The following GALNT17 variants were observed in gnomAD, a reference collection of about 807,000 sequenced individuals.
GALNT17 encodes UDP-GalNAc:polypeptide N-acetylgalactosaminyltransferase-like 3.
A neutral mutation model predicts 63.7 loss-of-function variants in GALNT17; 29 were observed. The observed-to-expected ratio is 0.46, with a 90% CI of 0.34 to 0.62. The LOEUF is 0.62. Ranked by LOEUF, GALNT17 falls within the 20% of genes least tolerant of loss-of-function variation. The pLI is 0.01. For missense variants in GALNT17, 603 were observed against 799.6 expected (o/e 0.75, Z 2.97); for synonymous variants, 305 against 318.3 (o/e 0.96, Z 0.45).
At chr7:71,172,336 G>C (rs998321184) in intron 1 of GALNT17, among the ~76,000 whole-genome samples, 2 of 151,646 alleles carry the variant, frequency 1.3e-5, no homozygotes, top group South Asian at 2.1e-4. Context: ...GTGCACCTGC[G>C]GACCCAGCTA....
intron 5 of GALNT17, among the ~76,000 whole-genome samples, chr7:71,442,341 C>T (rs1321179528): frequency 1.3e-5 from 2 of 152,026 alleles, no homozygotes; most frequent in Non-Finnish European, 1.5e-5. Flanking sequence ...GGACTACGGG[C>T]GCCCGCCACC....
At chr7:71,517,161 C>T (rs1788458615) in intron 5 of GALNT17, among the ~76,000 whole-genome samples, 1 of 152,194 alleles carries the variant, frequency 6.6e-6, no homozygotes, top group Non-Finnish European at 1.5e-5. Flanking sequence ...AGTTCTGAGG[C>T]TGGGACATTC....
At chr7:71,590,685 C>T (rs1789784097) in intron 6 of GALNT17, among the ~76,000 whole-genome samples, 2 of 152,160 alleles carry the variant, frequency 1.3e-5, no homozygotes, top group African/African-American at 4.8e-5. Flanking sequence ...GTTCCCTGTC[C>T]ATGTAGCCAT....
At chr7:71,370,934 C>T (rs963485) in intron 2 of GALNT17, among the ~76,000 whole-genome samples, 3 of 152,090 alleles carry the variant, frequency 2.0e-5, no homozygotes, top group Admixed American at 6.5e-5. Flanking sequence ...ACAAGCATAT[C>T]GTGGGATTGC....
intron 6 of GALNT17, among the ~76,000 whole-genome samples, chr7:71,647,625 A>T (rs1028456401): frequency 2.0e-5 from 3 of 152,020 alleles, no homozygotes; most frequent in African/African-American, 7.2e-5. Flanking sequence ...TACCTCTACC[A>T]TTGCTTCTGT....
At chr7:71,705,038 T>G (rs1029191450) in intron 9 of GALNT17, among the ~76,000 whole-genome samples, 2 of 152,292 alleles carry the variant, frequency 1.3e-5, no homozygotes, top group African/African-American at 4.8e-5. Flanking sequence ...AGAAAAACTT[T>G]GATGCTTCAA....
chr7:71,386,883 T>C (rs1792955420), intron 2 of GALNT17, among the ~76,000 whole-genome samples: 1 of 152,178 alleles, frequency 6.6e-6, no homozygotes. Flanking sequence ...CCTGGAATGT[T>C]AGCTCTGTGA....
At chr7:71,179,985 T>C (rs959101242) in intron 1 of GALNT17, among the ~76,000 whole-genome samples, 5 of 152,196 alleles carry the variant, frequency 3.3e-5, no homozygotes, top group African/African-American at 1.2e-4. Flanking sequence ...GAGCCAAATA[T>C]GAGATTTTGT....
At chr7:71,524,269 AT>A (rs967889449) in intron 5 of GALNT17, among the ~76,000 whole-genome samples, 8 of 146,180 alleles carry the variant, frequency 5.5e-5, no homozygotes, top group African/African-American at 7.6e-5. Flanking sequence ...ATTATATATA[AT>A]TATATATTAT....
intron 1 of GALNT17, among the ~76,000 whole-genome samples, chr7:71,278,001 CTTTT>C (rs1026730694): frequency 5.4e-4 from 82 of 152,234 alleles, no homozygotes; most frequent in African/African-American, 1.9e-3. Context: ...CTCCTGCTAA[CTTTT>C]TTATTTATGA....
At chr7:71,154,271 C>G (rs571838132) in intron 1 of GALNT17, among the ~76,000 whole-genome samples, 1 of 152,130 alleles carries the variant, frequency 6.6e-6, no homozygotes, top group Non-Finnish European at 1.5e-5. Context: ...CGGCTTCCAG[C>G]TGTTTGTGTC....
intron 1 of GALNT17, among the ~76,000 whole-genome samples, chr7:71,177,383 A>T (rs1424795119): frequency 6.6e-6 from 1 of 152,028 alleles, no homozygotes; most frequent in Non-Finnish European, 1.5e-5. Flanking sequence ...CCATGTCTGG[A>T]CTCTGATTTA....
intron 2 of GALNT17, among the ~76,000 whole-genome samples, chr7:71,346,727 T>G (rs1792102154): frequency 8.7e-6 from 1 of 115,548 alleles, no homozygotes; most frequent in Non-Finnish European, 1.6e-5. Context: ...GGACAGTTTA[T>G]CTAGGGAATC....
chr7:71,674,520 T>C (rs935623821), intron 8 of GALNT17, among the ~76,000 whole-genome samples: 8 of 151,956 alleles, frequency 5.3e-5, no homozygotes, highest in Admixed American at 3.9e-4. Context: ...TCTAGACAAC[T>C]TTTTCTTTTT....
At chr7:71,378,318 T>C (rs1459420533) in intron 2 of GALNT17, among the ~76,000 whole-genome samples, 1 of 152,164 alleles carries the variant, frequency 6.6e-6, no homozygotes, top group African/African-American at 2.4e-5. Context: ...CACCTCTCAG[T>C]GATTCCAACC....
chr7:71,509,388 C>A (rs1788317862), intron 5 of GALNT17, among the ~76,000 whole-genome samples: 1 of 152,164 alleles, frequency 6.6e-6, no homozygotes, highest in Admixed American at 6.5e-5. Flanking sequence ...GGATGTAACC[C>A]CAAGCATAAG....
At chr7:71,640,101 G>T (rs1790583291) in intron 6 of GALNT17, among the ~76,000 whole-genome samples, 2 of 152,316 alleles carry the variant, frequency 1.3e-5, no homozygotes, top group South Asian at 4.1e-4. Context: ...AGATTTGCAT[G>T]AGTGTGATTT....
intron 6 of GALNT17, among the ~76,000 whole-genome samples, chr7:71,582,483 AG>A (rs1789650913): frequency 1.3e-5 from 2 of 151,834 alleles, no homozygotes; most frequent in East Asian, 3.9e-4. Flanking sequence ...CGGGAGGCTG[AG>A]GAAGGGGAAT....
chr7:71,154,369 G>A (rs573777339), intron 1 of GALNT17, among the ~76,000 whole-genome samples: 2 of 152,226 alleles, frequency 1.3e-5, no homozygotes, highest in African/African-American at 2.4e-5. Flanking sequence ...GGGCAGAGAC[G>A]GGCTGTTCCC....
Sources: allele counts gnomAD v4.1 joint callset (sites outside exome capture counted in the v4.1 genomes callset), GRCh38; gene constraint gnomAD v4.1.1; transcripts MANE v1.5; gene names NCBI Gene and HGNC (gene_info 2026-07-23, HGNC 2026-07-21).